The following GRAMD1B variants were observed in gnomAD, a reference collection of about 807,000 sequenced individuals.
GRAMD1B encodes the protein protein Aster-B.
A neutral mutation model predicts 99.7 loss-of-function variants in GRAMD1B; 37 were observed. The ratio of observed to expected loss-of-function variants is 0.37; its 90% CI spans 0.29 to 0.49. The LOEUF (loss-of-function observed/expected upper bound fraction) is 0.49. Among genes scored for constraint, GRAMD1B ranks in the 20% least tolerant of loss-of-function variants. GRAMD1B has a pLI of 0.98. For missense variants in GRAMD1B, 888 were observed against 1,009.2 expected, an observed-to-expected ratio of 0.88 and a Z score of 1.63; for synonymous variants, 427 against 387.6, an observed-to-expected ratio of 1.10 and a Z score of -1.19.
intron 2 of GRAMD1B, among the ~76,000 whole-genome samples, chr11:123,543,522 A>T (rs1047394318): frequency 6.6e-6 from 1 of 152,244 alleles, no homozygotes; most frequent in Non-Finnish European, 1.5e-5. Flanking sequence ...CCACTGTCAC[A>T]TAACAGCAAG....
intron 1 of GRAMD1B, among the ~76,000 whole-genome samples, chr11:123,391,797 T>TA (rs1947291644): frequency 6.6e-6 from 1 of 152,190 alleles, no homozygotes; most frequent in Non-Finnish European, 1.5e-5. Flanking sequence ...ACTAAGCACT[T>TA]ACAATGTACC....
intron 2 of GRAMD1B, among the ~76,000 whole-genome samples, chr11:123,501,531 C>A (rs530292247): frequency 6.6e-6 from 1 of 152,140 alleles, no homozygotes; most frequent in South Asian, 2.1e-4. Context: ...ACATGATTAT[C>A]AAGGCACTGG....
In GRAMD1B at chr11:123,415,729, C is replaced by T. The variant is rs182910057; in HGVS notation, c.-176+56930C>T. Among the ~76,000 whole-genome samples the T allele has an allele frequency of 6.6e-5, 10 of 152,240 alleles. No homozygotes were observed. In the East Asian group the frequency reaches 1.7e-3, roughly 26 times the overall value. ...GTTAAAAAGATTTAATAGCGACTCT[C>T]CTGTTAGTCTACTGTTTAATGGACT... On this transcript the variant is annotated intron_variant, in intron 1 of 20. Coordinates refer to the GRAMD1B transcript ENST00000638157.
chr11:123,369,480 T>G (rs1450409171), intron 1 of GRAMD1B, among the ~76,000 whole-genome samples: 1 of 152,052 alleles, frequency 6.6e-6, no homozygotes, highest in Non-Finnish European at 1.5e-5. Context: ...GGATTAAATT[T>G]GTAGAAGGAA....
At chr11:123,533,587 A>C (rs1015247537) in intron 2 of GRAMD1B, among the ~76,000 whole-genome samples, 17 of 151,926 alleles carry the variant, frequency 1.1e-4, no homozygotes, top group African/African-American at 3.9e-4. Context: ...CTACCATGCC[A>C]GGTTAATTTT....
chr11:123,555,151 C>T (rs537297925), intron 2 of GRAMD1B, among the ~76,000 whole-genome samples: 1 of 152,306 alleles, frequency 6.6e-6, no homozygotes, highest in South Asian at 2.1e-4. Context: ...CAGGGCACAG[C>T]TCCAGCATCA....
At chr11:123,462,487 G>A (rs555450805) in intron 1 of GRAMD1B, among the ~76,000 whole-genome samples, 3 of 152,294 alleles carry the variant, frequency 2.0e-5, no homozygotes, top group South Asian at 2.1e-4. Context: ...GAACATTCAA[G>A]CTCAGCTCAG....
At chr11:123,542,394 G>A (rs1041485992) in intron 2 of GRAMD1B, among the ~76,000 whole-genome samples, 1 of 152,224 alleles carries the variant, frequency 6.6e-6, no homozygotes, top group South Asian at 2.1e-4. Context: ...TTTGAGAAGC[G>A]AATAGTCTGA....
chr11:123,539,719 C>T (rs1591888643), intron 2 of GRAMD1B, among the ~76,000 whole-genome samples: 1 of 152,182 alleles, frequency 6.6e-6, no homozygotes, highest in East Asian at 1.9e-4. Context: ...CCTGACTGTC[C>T]AGCCTCATCA....
At chr11:123,609,600 C>A (rs1295110745) in intron 12 of GRAMD1B, among the ~76,000 whole-genome samples, 195 bp from the exon 13 acceptor site, 1 of 152,188 alleles carries the variant, frequency 6.6e-6, no homozygotes, top group African/African-American at 2.4e-5. Context: ...TTTGACAATG[C>A]TACAATGAGC....
chr11:123,450,046 G>T (rs569449820), intron 1 of GRAMD1B, among the ~76,000 whole-genome samples: 29 of 152,258 alleles, frequency 1.9e-4, no homozygotes, highest in Non-Finnish European at 3.5e-4. Context: ...TCTAAAGGTA[G>T]TCTCTATTCA....
At position 123,510,748 on chromosome 11, in the gene GRAMD1B, G is replaced by A. The variant is rs1349775449; in HGVS notation, c.452+29855G>A. ...CTGTGCGTAAGTGGCTTCGCTTGGC[G>A]AGTTCTGCCTTTGGTTCACTTTTCT... On this transcript the variant is annotated intron_variant, in intron 2 of 19. Transcript: ENST00000635736. The surrounding 1 kb of genome is among the most constrained non-coding windows in gnomAD (Gnocchi z 4.3). 1.3e-5 allele frequency among the ~76,000 whole-genome samples: 2 copies of A among 152,160 alleles called. No individual in the cohort carries two copies. Among genetic ancestry groups the A allele is most frequent in the African/African-American group, 2.4e-5 (1 of 41,426 alleles).
intron 2 of GRAMD1B, among the ~76,000 whole-genome samples, chr11:123,533,332 T>C (rs1415350985): frequency 6.6e-6 from 1 of 152,232 alleles, no homozygotes; most frequent in East Asian, 1.9e-4. Context: ...CTAGCAGTCC[T>C]GTTCTAGGTA....
chr11:123,450,550 C>T (rs190221577), intron 1 of GRAMD1B, among the ~76,000 whole-genome samples: 12 of 152,106 alleles, frequency 7.9e-5, no homozygotes, highest in African/African-American at 1.4e-4. Flanking sequence ...TGTTTAAAAG[C>T]GAATTATTTG....
At chr11:123,568,580 A>G (rs896386714) in intron 2 of GRAMD1B, among the ~76,000 whole-genome samples, 3 of 152,190 alleles carry the variant, frequency 2.0e-5, no homozygotes, top group Non-Finnish European at 4.4e-5. Context: ...ATTCTGTGTC[A>G]GATCTGCAGA....
chr11:123,385,269 T>G (rs992019016), intron 1 of GRAMD1B, among the ~76,000 whole-genome samples: 3 of 152,208 alleles, frequency 2.0e-5, no homozygotes, highest in Non-Finnish European at 4.4e-5. Flanking sequence ...TTTTCCTTAC[T>G]CAGACCTTGC....
At position 123,383,205 on chromosome 11, in the gene GRAMD1B, GCTCTCTCT is replaced by G. The variant is rs55890434; in HGVS notation, c.-176+24430_-176+24437del. On this transcript the variant is annotated intron_variant, in intron 1 of 20. Transcript: ENST00000638157. Reference sequence around the variant, plus strand: ...AGAGTGCTTCCTACTTCAGAGTCTTGCTCTCTCTCTCTCTCTCTCTCTCTCTCTCTCAT... The same window carrying G: ...AGAGTGCTTCCTACTTCAGAGTCTTGCTCTCTCTCTCTCTCTCTCTCTCAT... Among the ~76,000 whole-genome samples, 210 of 146,936 alleles carry G rather than the reference GCTCTCTCT, an allele frequency of 1.4e-3. 1 individual carries two copies. Among genetic ancestry groups the G allele is most frequent in the African/African-American group, 3.9e-3 (160 of 40,802 alleles).
intron 2 of GRAMD1B, among the ~76,000 whole-genome samples, chr11:123,532,993 A>G (rs1943556483): frequency 6.6e-6 from 1 of 152,232 alleles, no homozygotes; most frequent in African/African-American, 2.4e-5. Flanking sequence ...GGATAAAAAC[A>G]AGTTTTGTTC....
intron 2 of GRAMD1B, among the ~76,000 whole-genome samples, chr11:123,497,163 T>G (rs1052111468): frequency 6.6e-6 from 1 of 152,232 alleles, no homozygotes; most frequent in Non-Finnish European, 1.5e-5. Context: ...GTGGTTCTTG[T>G]CTACTCATGG....
Sources: allele counts gnomAD v4.1 joint callset (sites outside exome capture counted in the v4.1 genomes callset), GRCh38; gene constraint gnomAD v4.1.1; non-coding constraint Gnocchi (gnomAD v3.1); transcripts MANE v1.5; gene names NCBI Gene and HGNC (gene_info 2026-07-23, HGNC 2026-07-21).